Variants in FAT4 observed in about 807,000 individuals in gnomAD.
FAT4 encodes FAT atypical cadherin 4.
FAT4 carries 84 observed loss-of-function variants against 303.9 expected under a neutral mutation model. The observed-to-expected ratio is 0.28, with a 90% CI of 0.23 to 0.33. FAT4 has a LOEUF of 0.33. FAT4 is among the 10% of genes least tolerant of loss of function. The pLI is 1.00. For missense variants in FAT4, 6,005 were observed against 6,146.8 expected (o/e 0.98, Z 0.77); for synonymous variants, 2,307 against 2,298.8 (o/e 1.00, Z -0.10).
intron 5 of FAT4, among the ~76,000 whole-genome samples, chr4:125,413,249 T>G (rs1485604543): frequency 6.6e-6 from 1 of 151,860 alleles, no homozygotes; most frequent in Non-Finnish European, 1.5e-5. Context: ...GCTGTTAACC[T>G]TGTTCTAGTC....
chr4:125,426,003 T>A (rs1015788171), intron 7 of FAT4, among the ~76,000 whole-genome samples: 1 of 152,078 alleles, frequency 6.6e-6, no homozygotes, highest in African/African-American at 2.4e-5. Context: ...AAACATGCTG[T>A]TTTTGCAAAG....
intron 2 of FAT4, among the ~76,000 whole-genome samples, chr4:125,394,713 T>C (rs1196139667): frequency 6.6e-6 from 1 of 152,192 alleles, no homozygotes; most frequent in Non-Finnish European, 1.5e-5. Context: ...GAAGGTATAG[T>C]AATGGTTGGT....
Position 125,408,327 on chromosome 4 carries a change from G to A in FAT4, c.5570-117G>A, listed in dbSNP as rs1472710762. On this transcript the variant is annotated intron_variant, in intron 4 of 17. Transcript: ENST00000394329. ...GTTATGTTCACTGTATTTTCATAGC[G>A]GTTTTCAGTTAAGATATTTTACTGT... is the stretch of plus-strand genomic sequence containing the variant. 3.2e-5 allele frequency: 19 copies of A among 598,322 alleles called. 1 individual carries two copies. Among genetic ancestry groups the A allele is most frequent in the Admixed American group, 1.3e-4 (4 of 31,684 alleles). 37.1% of individuals were successfully genotyped at this position (598,322 alleles called of 1,614,324 possible). A position where few individuals can be genotyped will look rare whatever the true frequency, so the allele number is the denominator to read the frequency against.
chr4:125,357,738 A>C (rs1399927495), intron 2 of FAT4, among the ~76,000 whole-genome samples: 1 of 152,132 alleles, frequency 6.6e-6, no homozygotes, highest in Non-Finnish European at 1.5e-5. Context: ...TGCTTTGTGA[A>C]TATGTTTGAA....
rs1415314422 is a variant in FAT4, at chr4:125,318,721, T to C, written c.2310T>C (p.Asn770=). 4.3e-6 allele frequency: 7 copies of C among 1,613,872 alleles called. No individual in the cohort carries two copies. Among genetic ancestry groups the C allele is most frequent in the Non-Finnish European group, 5.1e-6 (6 of 1,179,946 alleles). Residue 770 remains asparagine, a synonymous_variant, in exon 2 of 18, where the codon AAT becomes AAC. Transcript: ENST00000394329. ...AAATAGTAGCTACTGATGGTGGCAA[T>C]TTACAATCTCCCAACCAGGCAATAG... ...QLQIVATDGG[N]LQSPNQAIVT...
rs746970240 is a variant in FAT4 at position 125,449,529 on chromosome 4, C to G, written c.8519C>G (p.Thr2840Arg). ...AGCAGACCTTTAAATAGGGAAGATA[C>G]AGACCGTTACAGAATTCGAGTTTCC... The part of the protein sequence containing the change: ...VISRPLNRED[T>R]DRYRIRVSAH... The change falls in exon 10 of 18, where the codon ACA becomes AGA. Residue 2840 changes from threonine to arginine, a missense_variant. Coordinates refer to ENST00000394329, the MANE Select transcript of FAT4 (RefSeq NM_001291303.3). The G allele has an allele frequency of 1.2e-6, 2 of 1,613,638 alleles. No individual in the cohort carries two copies. The highest frequency in any genetic ancestry group is 8.5e-7 in the Non-Finnish European group (1 of 1,179,676).
chr4:125,439,580 C>T (rs1725580583), intron 8 of FAT4, among the ~76,000 whole-genome samples: 1 of 151,896 alleles, frequency 6.6e-6, no homozygotes, highest in Admixed American at 6.6e-5. Context: ...ATCTCGTGAT[C>T]TGCCTGCCTT....
chr4:125,316,665 G>A lies in FAT4; in HGVS notation c.254G>A (p.Ser85Asn). ...AGCCACGCCCTGTTTGCCATAAACA[G>A]TAGCACCGGAGCCCTGTACACCACC... is the stretch of plus-strand genomic sequence containing the variant. ...SESHALFAIN[S>N]STGALYTTST... The change falls in exon 2 of 18, where the codon AGT (serine) becomes AAT (asparagine). Residue 85 changes from serine to asparagine, a missense_variant. Physicochemically the swap from Ser to Asn is conservative, Grantham distance 46 (BLOSUM62 1). Coordinates refer to ENST00000394329, the MANE Select transcript of FAT4 (RefSeq NM_001291303.3). This position sits in a 1 kb window ranked among gnomAD's most constrained non-coding sequence, Gnocchi z 5.7. 6.2e-7 allele frequency: 1 copy of A among 1,613,624 alleles called. No homozygotes were observed. Among genetic ancestry groups the A allele is most frequent in the Non-Finnish European group, 8.5e-7 (1 of 1,180,026 alleles).
In FAT4 at chr4:125,450,301, T is replaced by G; in HGVS notation, c.9291T>G (p.Ser3097Arg). 1 of 1,614,044 alleles carries G rather than the reference T, an allele frequency of 6.2e-7. No homozygotes were observed. The highest frequency in any genetic ancestry group is 8.5e-7 in the Non-Finnish European group (1 of 1,179,988). The change falls in exon 10 of 18, where the codon AGT becomes AGG. Residue 3097 changes from serine to arginine, a missense_variant. Transcript: ENST00000394329. ...CTGAATTCTCTCAAAGCCACATGAG[T>G]GCAACCATCCCTGAGAGCCATAGCA... ...HTPEFSQSHM[S>R]ATIPESHSIG...
chr4:125,334,219 A>T (rs1350839259), intron 2 of FAT4, among the ~76,000 whole-genome samples: 2 of 152,042 alleles, frequency 1.3e-5, no homozygotes, highest in African/African-American at 4.8e-5. Flanking sequence ...TCCCAAAGAC[A>T]TCTCCCAAAA....
chr4:125,470,143 CTT>C (rs577018503), intron 12 of FAT4, among the ~76,000 whole-genome samples: 1 of 152,106 alleles, frequency 6.6e-6, no homozygotes, highest in Non-Finnish European at 1.5e-5. Flanking sequence ...TGAAAGGAAT[CTT>C]TTTTTCCGAG....
At chr4:125,429,492 T>A (rs1019804673) in intron 7 of FAT4, among the ~76,000 whole-genome samples, 1 of 151,988 alleles carries the variant, frequency 6.6e-6, no homozygotes, top group African/African-American at 2.4e-5. Flanking sequence ...TTAGAAAAGA[T>A]TTTTTTTAAG....
At position 125,434,015 on chromosome 4, in the gene FAT4, T is replaced by G. The variant is rs17009654; in HGVS notation, c.7019-230T>G. Among the ~76,000 whole-genome samples the G allele has an allele frequency of 0.064, 9,723 of 152,222 alleles. 313 individuals are homozygous for G. The highest frequency in any genetic ancestry group is 0.095 in the Middle Eastern group (28 of 294). ...GCACCTTTAAAATAGAATAAGAGCA[T>G]GACATATACTTTTCGTGCAGAGTTA... is the stretch of plus-strand genomic sequence containing the variant. On this transcript the variant is annotated intron_variant, in intron 7 of 17. Transcript: ENST00000394329.
intron 2 of FAT4, 62 bp downstream of exon 2, chr4:125,321,648 A>G: frequency 6.9e-7 from 1 of 1,446,728 alleles, no homozygotes. Flanking sequence ...CATTCTCTTT[A>G]TATTTACTCT....
intron 2 of FAT4, among the ~76,000 whole-genome samples, chr4:125,379,393 T>A (rs1578577019): frequency 6.6e-6 from 1 of 152,138 alleles, no homozygotes; most frequent in African/African-American, 2.4e-5. Flanking sequence ...ACTTCATTGG[T>A]TGCCTTGGAG....
At chr4:125,478,723 G>A (rs927499835) in intron 14 of FAT4, among the ~76,000 whole-genome samples, 11 of 152,016 alleles carry the variant, frequency 7.2e-5, no homozygotes, top group Non-Finnish European at 1.5e-4. Context: ...TAGAGACGGG[G>A]TTTCACCATG....
intron 2 of FAT4, among the ~76,000 whole-genome samples, chr4:125,335,492 A>G (rs1422097821): frequency 3.3e-5 from 5 of 151,930 alleles, no homozygotes; most frequent in Non-Finnish European, 7.4e-5. Flanking sequence ...CACCTCCAAT[A>G]CTATTTGGGA....
chr4:125,487,398 G>A lies in FAT4; in HGVS notation c.12876G>A (p.Val4292=). 6.2e-7 allele frequency: 1 copy of A among 1,613,954 alleles called. No individual in the cohort carries two copies. Among genetic ancestry groups the A allele is most frequent in the Non-Finnish European group, 8.5e-7 (1 of 1,179,858 alleles). Residue 4292 remains valine, a synonymous_variant, in exon 17 of 18, where the codon GTG becomes GTA. Coordinates refer to ENST00000394329, the MANE Select transcript of FAT4 (RefSeq NM_001291303.3). ...FTSDAGIAGK[V]ERNIPEVYVA... The stretch of plus-strand genomic sequence containing the variant: ...CCGATGCAGGAATTGCTGGGAAAGT[G>A]GAGAGAAATATTCCTGAAGTATATG...
intron 2 of FAT4, among the ~76,000 whole-genome samples, chr4:125,364,458 G>A (rs1732789935): frequency 6.6e-6 from 1 of 151,466 alleles, no homozygotes; most frequent in Admixed American, 6.6e-5. Context: ...ATTATGATAA[G>A]CATATGATAA....
Sources: gnomAD v4.1 joint callset for allele counts (sites outside exome capture counted in the v4.1 genomes callset) on GRCh38, gnomAD v4.1.1 for gene constraint, Gnocchi (gnomAD v3.1) non-coding constraint, MANE v1.5 for transcripts, NCBI Gene and HGNC (gene_info 2026-07-23, HGNC 2026-07-21) for gene names.